Variants in ROBO2 observed in about 807,000 individuals in gnomAD.
ROBO2 encodes roundabout guidance receptor 2, also known as roundabout homolog 2.
In ROBO2, 53 loss-of-function variants were observed where a neutral mutation model predicts 160.8. The ratio of observed to expected loss-of-function variants is 0.33; its 90% confidence interval spans 0.26 to 0.41. The LOEUF (loss-of-function observed/expected upper bound fraction) is 0.41, where lower values mean the gene tolerates loss of function less well. Among genes scored for constraint, ROBO2 ranks in the 10% least tolerant of loss-of-function variants. The pLI is 1.00. For missense variants in ROBO2, 1,577 were observed against 1,722.4 expected (o/e 0.92, Z 1.49); for synonymous variants, 664 against 611.7 (o/e 1.09, Z -1.26).
At chr3:76,203,837 C>T (rs533509473) in intron 2 of ROBO2, among the ~76,000 whole-genome samples, 4 of 152,292 alleles carry the variant, frequency 2.6e-5, no homozygotes, top group South Asian at 4.1e-4. Context: ...CTCAGGCTAT[C>T]GGCTTCCCGG....
intron 2 of ROBO2, among the ~76,000 whole-genome samples, chr3:77,179,821 G>A (rs1452962926): frequency 1.3e-5 from 2 of 152,126 alleles, no homozygotes; most frequent in South Asian, 2.1e-4. Flanking sequence ...TTAAACAACT[G>A]CTAGGGTGCG....
At chr3:77,625,127 T>G (rs1370270715) in intron 23 of ROBO2, among the ~76,000 whole-genome samples, 1 of 152,152 alleles carries the variant, frequency 6.6e-6, no homozygotes, top group African/African-American at 2.4e-5. Flanking sequence ...CTCTTAAATT[T>G]TGAAATGATG....
At chr3:77,502,359 T>C (rs2087742746) in intron 5 of ROBO2, among the ~76,000 whole-genome samples, 1 of 152,204 alleles carries the variant, frequency 6.6e-6, no homozygotes, top group African/African-American at 2.4e-5. Context: ...ATAAGGACAC[T>C]TATTTCCCAT....
intron 2 of ROBO2, among the ~76,000 whole-genome samples, chr3:76,446,537 CTACTT>C (rs1243348376): frequency 1.3e-5 from 2 of 152,122 alleles, no homozygotes; most frequent in Non-Finnish European, 2.9e-5. Context: ...TTGGAAAAAA[CTACTT>C]TAAAGTTCAC....
chr3:76,901,858 TATTTA>T (rs1226836952), intron 2 of ROBO2, among the ~76,000 whole-genome samples: 8 of 152,014 alleles, frequency 5.3e-5, no homozygotes, highest in Non-Finnish European at 1.0e-4. Flanking sequence ...TTTTTCTTCT[TATTTA>T]GTTTGGTTCA....
At chr3:76,855,516 T>C (rs1461953553) in intron 2 of ROBO2, among the ~76,000 whole-genome samples, 2 of 152,232 alleles carry the variant, frequency 1.3e-5, no homozygotes, top group Non-Finnish European at 2.9e-5. Flanking sequence ...TAGTTCTCTT[T>C]TGATAAGATT....
intron 2 of ROBO2, among the ~76,000 whole-genome samples, chr3:77,327,484 T>A (rs2065522199): frequency 2.0e-5 from 3 of 152,150 alleles, no homozygotes; most frequent in Non-Finnish European, 4.4e-5. Context: ...TAACTCCATT[T>A]TACAATTTAA....
chr3:77,446,549 G>A (rs2080538829), intron 2 of ROBO2, among the ~76,000 whole-genome samples: 1 of 152,028 alleles, frequency 6.6e-6, no homozygotes, highest in African/African-American at 2.4e-5. Flanking sequence ...AAGGATATAA[G>A]CAGCATATCT....
At chr3:76,553,004 G>A (rs1479211006) in intron 2 of ROBO2, among the ~76,000 whole-genome samples, 1 of 152,204 alleles carries the variant, frequency 6.6e-6, no homozygotes, top group Non-Finnish European at 1.5e-5. Context: ...TGAATAGCAA[G>A]TTTGGTGAAT....
At chr3:76,445,883 C>T (rs1380634695) in intron 2 of ROBO2, among the ~76,000 whole-genome samples, 3 of 152,054 alleles carry the variant, frequency 2.0e-5, no homozygotes, top group Non-Finnish European at 2.9e-5. Flanking sequence ...ACTGATGGGA[C>T]GTATCTCAAA....
At chr3:76,931,091 G>T (rs1302875910) in intron 2 of ROBO2, among the ~76,000 whole-genome samples, 1 of 152,122 alleles carries the variant, frequency 6.6e-6, no homozygotes, top group Non-Finnish European at 1.5e-5. Flanking sequence ...CAAAGGCAAG[G>T]ACTGTATAAA....
chr3:77,420,903 G>A (rs766489315), intron 2 of ROBO2, among the ~76,000 whole-genome samples: 11 of 152,098 alleles, frequency 7.2e-5, no homozygotes, highest in Non-Finnish European at 1.3e-4. Context: ...TTGACAGTTT[G>A]ATTTTAGTAT....
chr3:76,938,358 T>TTC (rs780322856), intron 2 of ROBO2, among the ~76,000 whole-genome samples: 1 of 124,340 alleles, frequency 8.0e-6, no homozygotes, highest in African/African-American at 3.0e-5. Context: ...GTCCCCCACC[T>TTC]ACCCCCCCCA....
intron 2 of ROBO2, among the ~76,000 whole-genome samples, chr3:77,351,530 G>C (rs908329985): frequency 1.3e-5 from 2 of 152,114 alleles, no homozygotes; most frequent in Admixed American, 1.3e-4. Flanking sequence ...AAAAAACTGA[G>C]ATAAAGGGTT....
chr3:76,420,719 T>C (rs1374146751), intron 2 of ROBO2, among the ~76,000 whole-genome samples: 2 of 152,196 alleles, frequency 1.3e-5, no homozygotes, highest in Non-Finnish European at 2.9e-5. Context: ...TATTTTTCCC[T>C]AAGAGATTCC....
At chr3:77,218,526 G>A (rs1017239039) in intron 2 of ROBO2, among the ~76,000 whole-genome samples, 2 of 151,752 alleles carry the variant, frequency 1.3e-5, no homozygotes, top group South Asian at 2.1e-4. Flanking sequence ...GCACCCACAA[G>A]CATGCCTGGC....
At chr3:77,308,099 T>C (rs376448124) in intron 2 of ROBO2, among the ~76,000 whole-genome samples, 3 of 152,142 alleles carry the variant, frequency 2.0e-5, no homozygotes, top group African/African-American at 4.8e-5. Context: ...TATTTCTTTT[T>C]TTTTTTTTTT....
At chr3:76,890,299 G>T (rs907500037) in intron 2 of ROBO2, among the ~76,000 whole-genome samples, 1 of 152,188 alleles carries the variant, frequency 6.6e-6, no homozygotes, top group Non-Finnish European at 1.5e-5. Flanking sequence ...TTGAGGCTAA[G>T]AAGAATGAAA....
intron 2 of ROBO2, among the ~76,000 whole-genome samples, chr3:77,285,538 C>T (rs17015130): frequency 0.027 from 4,144 of 152,206 alleles, 130 homozygotes; most frequent in East Asian, 0.11. Context: ...ACCTTGAATA[C>T]GTGATGTTTG....
Sources: allele counts gnomAD v4.1 joint callset (sites outside exome capture counted in the v4.1 genomes callset), GRCh38; gene constraint gnomAD v4.1.1; transcripts MANE v1.5; gene names NCBI Gene and HGNC (gene_info 2026-07-23, HGNC 2026-07-21).